Variants in UST observed in about 807,000 individuals in gnomAD.
The protein encoded by UST is uronyl 2-sulfotransferase.
UST carries 21 observed loss-of-function variants against 45.6 expected under a neutral mutation model. The observed-to-expected ratio is 0.46, with a 90% confidence interval of 0.33 to 0.66. The LOEUF (loss-of-function observed/expected upper bound fraction) is 0.66. Among genes scored for constraint, UST ranks in the 30% least tolerant of loss-of-function variants. UST has a pLI of 0.02. For missense variants in UST, 463 were observed against 512.4 expected (o/e 0.90, Z 0.93); for synonymous variants, 215 against 200.6 (o/e 1.07, Z -0.61).
intron 2 of UST, among the ~76,000 whole-genome samples, chr6:148,894,270 A>C (rs1268118035): frequency 6.6e-6 from 1 of 152,228 alleles, no homozygotes; most frequent in African/African-American, 2.4e-5. Flanking sequence ...GATACATTGG[A>C]TCCTAACCCC....
At chr6:149,018,640 G>A (rs1324744042) in intron 5 of UST, among the ~76,000 whole-genome samples, 1 of 152,150 alleles carries the variant, frequency 6.6e-6, no homozygotes, top group African/African-American at 2.4e-5. Context: ...TACTTTTTAA[G>A]CTAATATAGT....
intron 1 of UST, among the ~76,000 whole-genome samples, chr6:148,884,765 A>G (rs772685369): frequency 1.3e-5 from 2 of 152,164 alleles, no homozygotes; most frequent in African/African-American, 2.4e-5. Flanking sequence ...ATAGAGACAC[A>G]AGGCATCTCT....
At chr6:148,957,704 G>A (rs6570917) in intron 4 of UST, among the ~76,000 whole-genome samples, 22,967 of 152,214 alleles carry the variant, frequency 0.15, 1,808 homozygotes, top group East Asian at 0.24. Context: ...CAAGTGCTGG[G>A]ATTACAGGCG....
At chr6:149,014,009 A>C (rs1452834752) in intron 5 of UST, among the ~76,000 whole-genome samples, 1 of 152,216 alleles carries the variant, frequency 6.6e-6, no homozygotes, top group Non-Finnish European at 1.5e-5. Context: ...AATCCAAGAG[A>C]GGAAGCAGTT....
rs138137981 is a variant in UST, at chr6:149,000,566, A to G, written c.682-18573A>G. Among the ~76,000 whole-genome samples the G allele has an allele frequency of 2.6e-5, 4 of 151,232 alleles. No individual in the cohort carries two copies. The East Asian group carries it at 5.8e-4, about 22-fold the overall frequency. On this transcript the variant is annotated intron_variant, in intron 5 of 7. Transcript: ENST00000367463. The stretch of plus-strand genomic sequence containing the variant: ...AGACCATACATTCTAAGGAACATGG[A>G]AAAAAAATCCAATACCAAGAAAGGC...
intron 2 of UST, among the ~76,000 whole-genome samples, chr6:148,890,344 C>CA (rs1263478175): frequency 6.6e-6 from 1 of 152,098 alleles, no homozygotes; most frequent in Non-Finnish European, 1.5e-5. Flanking sequence ...CTGGCTTATC[C>CA]AGGGACAGGG....
At chr6:148,878,493 A>G (rs1343287523) in intron 1 of UST, among the ~76,000 whole-genome samples, 48 of 70,028 alleles carry the variant, frequency 6.9e-4, no homozygotes, top group African/African-American at 2.3e-3. Flanking sequence ...GTATGAGTAC[A>G]GGGATTGTGT....
chr6:148,923,365 A>G (rs1054391002), intron 2 of UST, among the ~76,000 whole-genome samples: 3 of 152,194 alleles, frequency 2.0e-5, no homozygotes, highest in Non-Finnish European at 4.4e-5. Flanking sequence ...ACTGTTTTCC[A>G]AAGTGGATGC....
chr6:149,017,799 TACACAC>T (rs10533222), intron 5 of UST, among the ~76,000 whole-genome samples: 3,211 of 148,814 alleles, frequency 0.022, 54 homozygotes, highest in Middle Eastern at 0.045. Flanking sequence ...TATCCATATA[TACACAC>T]ACACACACAC....
chr6:148,901,596 C>T (rs958380958), intron 2 of UST, among the ~76,000 whole-genome samples: 3 of 145,400 alleles, frequency 2.1e-5, no homozygotes, highest in Non-Finnish European at 3.0e-5. Flanking sequence ...TTGCTCTTGT[C>T]ACCCTGACTG....
Position 148,755,666 on chromosome 6 carries a change from T to A in UST, c.247+7989T>A, listed in dbSNP as rs111775734. 6.0e-3 allele frequency among the ~76,000 whole-genome samples: 915 copies of A among 151,846 alleles called. 11 individuals carry two copies. Among genetic ancestry groups the A allele is most frequent in the African/African-American group, 0.022 (891 of 41,368 alleles). ...TTTCTTTTTTTTTTCTTTTTTTTTT[T>A]AATACACATTCCCCAAAACTGGATT... On this transcript the variant is annotated intron_variant, in intron 1 of 7. Transcript: ENST00000367463.
At chr6:148,953,799 ATACATAACCTT>A (rs1363882163) in intron 3 of UST, 62 bp from the exon 4 acceptor site, 1 of 669,020 alleles carries the variant, frequency 1.5e-6, no homozygotes, top group African/African-American at 1.9e-5. Flanking sequence ...AAAGAGTGGG[ATACATAACCTT>A]TAACTTAATA....
At chr6:148,876,801 T>C (rs1778661519) in intron 1 of UST, among the ~76,000 whole-genome samples, 1 of 151,820 alleles carries the variant, frequency 6.6e-6, no homozygotes, top group Non-Finnish European at 1.5e-5. Context: ...CACGTGGGCA[T>C]GGCATTGGGC....
intron 1 of UST, among the ~76,000 whole-genome samples, chr6:148,775,594 T>A (rs1776515809): frequency 6.6e-6 from 1 of 152,062 alleles, no homozygotes; most frequent in South Asian, 2.1e-4. Flanking sequence ...ACTGTGTTGG[T>A]TTTAGTTGAT....
Position 148,934,024 on chromosome 6 carries a change from T to G in UST, c.292-7255T>G, listed in dbSNP as rs1779972502. Among the ~76,000 whole-genome samples the G allele has an allele frequency of 6.6e-6, 1 of 152,252 alleles. No homozygotes were observed. Among genetic ancestry groups the G allele is most frequent in the Admixed American group, 6.5e-5 (1 of 15,280 alleles). On this transcript the variant is annotated intron_variant, in intron 2 of 7. Coordinates refer to ENST00000367463, the MANE Select transcript of UST (RefSeq NM_005715.3). This position sits in a 1 kb window ranked among gnomAD's most constrained non-coding sequence, Gnocchi z 4.1. ...CACGGTAAAATCTAGTTTTAACTTT[T>G]AAGGCGTTTTCCAGATTATATCTTG...
intron 2 of UST, among the ~76,000 whole-genome samples, chr6:148,911,838 G>A (rs1779480913): frequency 6.6e-6 from 1 of 152,020 alleles, no homozygotes; most frequent in Admixed American, 6.5e-5. Context: ...TTTTTGGAGG[G>A]GAAAAGGATG....
rs566009216 is a variant in UST at position 148,914,099 on chromosome 6, T to G, written c.291+27070T>G. On this transcript the variant is annotated intron_variant, in intron 2 of 7. Transcript: ENST00000367463. ...TTGGACTTCCCATCCTCCAGAACTA[T>G]GGGAAATAAGTTTTCATTCCAATGC... 4.1e-4 allele frequency among the ~76,000 whole-genome samples: 62 copies of G among 152,282 alleles called. 2 individuals carry two copies. The Middle Eastern group carries it at 0.01, about 25-fold the overall frequency.
intron 3 of UST, among the ~76,000 whole-genome samples, chr6:148,951,842 G>A (rs139288756): frequency 6.6e-6 from 1 of 152,310 alleles, no homozygotes; most frequent in African/African-American, 2.4e-5. Flanking sequence ...GTTATACATT[G>A]TCACTGCTAA....
At chr6:148,960,865 T>G (rs1003614101) in intron 4 of UST, among the ~76,000 whole-genome samples, 10 of 152,242 alleles carry the variant, frequency 6.6e-5, no homozygotes, top group African/African-American at 2.4e-4. Flanking sequence ...GCAATAATTA[T>G]TACCTCAGGA....
Sources: gnomAD v4.1 joint callset for allele counts (sites outside exome capture counted in the v4.1 genomes callset) on GRCh38, gnomAD v4.1.1 for gene constraint, Gnocchi (gnomAD v3.1) non-coding constraint, MANE v1.5 for transcripts, NCBI Gene and HGNC (gene_info 2026-07-23, HGNC 2026-07-21) for gene names.